RGMB: variants seen among roughly 807,000 people sequenced by gnomAD.
The protein encoded by RGMB is repulsive guidance molecule B.
Under a neutral mutation model 26.9 loss-of-function variants are expected in RGMB, and 16 were observed. That is an observed-to-expected ratio of 0.60 (90% confidence interval 0.40 to 0.90). RGMB has a LOEUF of 0.90. Ranked by LOEUF, RGMB falls within the 40% of genes least tolerant of loss-of-function variation. The probability of loss-of-function intolerance (pLI) is 0.00; values close to 1 mark genes in which losing one functional copy is unlikely to be tolerated. For missense variants in RGMB, 512 were observed against 573.3 expected, an observed-to-expected ratio of 0.89 and a Z score of 1.09; for synonymous variants, 225 against 229.3, an observed-to-expected ratio of 0.98 and a Z score of 0.17.
At chr5:98,775,137 CT>C (rs1200958613) in intron 1 of RGMB, among the ~76,000 whole-genome samples, 2 of 151,716 alleles carry the variant, frequency 1.3e-5, no homozygotes, top group East Asian at 3.9e-4. Context: ...CTTTTTTGTC[CT>C]GTATATATGA....
Position 98,779,855 on chromosome 5 carries a change from C to G in RGMB, c.412C>G (p.Pro138Ala). 1.9e-6 allele frequency: 3 copies of G among 1,614,046 alleles called. No homozygotes were observed. In the East Asian group the frequency reaches 6.7e-5, roughly 36 times the overall value. ...SSTNPEVTHD[P>A]CNYHSHAGAR... Reference sequence around the variant, plus strand: ...TACCAACCCCGAAGTGACCCATGATCCTTGCAACTATCACAGCCACGCTGG... The same window carrying G: ...TACCAACCCCGAAGTGACCCATGATGCTTGCAACTATCACAGCCACGCTGG... Residue 138 changes from proline to alanine, a missense_variant, in exon 2 of 3, where the codon CCT (proline) becomes GCT (alanine). By Grantham distance (27) the Pro-to-Ala change is conservative. Transcript: ENST00000513185.
At chr5:98,770,966 GCAGT>G (rs1746143271), upstream of RGMB, 2 of 348,616 alleles carry the variant, frequency 5.7e-6, no homozygotes, top group Non-Finnish European at 1.0e-5. Flanking sequence ...GATCTGTTAA[GCAGT>G]CAGAGATTCT....
upstream of RGMB, chr5:98,771,161 C>G (rs970997768): frequency 6.5e-6 from 1 of 153,154 alleles, no homozygotes; most frequent in Non-Finnish European, 1.5e-5. Context: ...TCCGGATGTA[C>G]TGTTCAGGTC....
chr5:98,792,713 G>A (rs1746969478), intron 2 of RGMB: 1 of 158,850 alleles, frequency 6.3e-6, no homozygotes, highest in Non-Finnish European at 1.3e-5. Flanking sequence ...GAACGTTGCA[G>A]TGAGCTATGA....
chr5:98,772,339 A>G (rs1047408469), upstream of RGMB, among the ~76,000 whole-genome samples: 4 of 152,254 alleles, frequency 2.6e-5, no homozygotes, highest in Non-Finnish European at 2.9e-5. Flanking sequence ...AATGTGTCTA[A>G]TAAGTGAGCT....
Position 98,795,364 on chromosome 5 carries a change from G to C in RGMB, c.*1611G>C, listed in dbSNP as rs912287416. 11 of 152,292 alleles carry C rather than the reference G, an allele frequency of 7.2e-5. No homozygotes were observed. In the East Asian group the frequency reaches 1.9e-3, roughly 27 times the overall value. 9.4% of individuals were successfully genotyped at this position (152,292 alleles called of 1,614,324 possible). A position where few individuals can be genotyped will look rare whatever the true frequency, so the allele number is the denominator to read the frequency against. On this transcript the variant is annotated 3_prime_UTR_variant, in exon 3 of 3. Transcript: ENST00000513185. ...TTTAGTTCTCCAGGTAGTTACTTTT[G>C]CCATGTCCTATTGATCAGTGACACT...
chr5:98,788,870 A>T (rs1158172687), intron 2 of RGMB, among the ~76,000 whole-genome samples: 1 of 152,214 alleles, frequency 6.6e-6, no homozygotes, highest in East Asian at 1.9e-4. Context: ...CTCCTTTGAA[A>T]CATGTGCTCT....
intron 2 of RGMB, among the ~76,000 whole-genome samples, chr5:98,791,446 A>C (rs1483903803): frequency 4.6e-5 from 7 of 151,920 alleles, no homozygotes; most frequent in African/African-American, 2.4e-5. Context: ...GAAAAACTTA[A>C]GACATAAACT....
rs1747068201 is a variant in RGMB, at chr5:98,794,940, T to G, written c.*1187T>G. 1 of 152,276 alleles carries G rather than the reference T, an allele frequency of 6.6e-6. No individual in the cohort carries two copies. Among genetic ancestry groups the G allele is most frequent in the Admixed American group, 6.5e-5 (1 of 15,288 alleles). 9.4% of individuals were successfully genotyped at this position (152,276 alleles called of 1,614,324 possible). A position where few individuals can be genotyped will look rare whatever the true frequency, so the allele number is the denominator to read the frequency against. On this transcript the variant is annotated 3_prime_UTR_variant, in exon 3 of 3. Coordinates refer to ENST00000513185, the MANE Select transcript of RGMB (RefSeq NM_001366508.1). Reference sequence around the variant, plus strand: ...TTGGCCTGACTCGGTGTGCGGCCACTTCGGCACTGCTTAATCCAGATATTC... The same window carrying G: ...TTGGCCTGACTCGGTGTGCGGCCACGTCGGCACTGCTTAATCCAGATATTC...
chr5:98,787,184 G>A lies in RGMB; in HGVS notation c.646-5901G>A, dbSNP rs371333970. ...GTTAACTCACTTCTTGAAATGCATGGTAACCATTCTAACCACTTCATTCCT... is the reference window on the plus strand; with the variant it reads ...GTTAACTCACTTCTTGAAATGCATGATAACCATTCTAACCACTTCATTCCT... On this transcript the variant is annotated intron_variant, in intron 2 of 2. Transcript: ENST00000513185. Among the ~76,000 whole-genome samples, 28 of 152,306 alleles carry A rather than the reference G, an allele frequency of 1.8e-4. No homozygotes were observed. The South Asian group carries it at 5.8e-3, about 32-fold the overall frequency.
Position 98,774,097 on chromosome 5 carries a change from C to CGCCGCCGCT in RGMB, c.36_44dup (p.Ala13_Ala15dup), listed in dbSNP as rs1746292201. 1.6e-6 allele frequency: 2 copies of CGCCGCCGCT among 1,237,702 alleles called. No homozygotes were observed. Among genetic ancestry groups the CGCCGCCGCT allele is most frequent in the Non-Finnish European group, 2.3e-6 (2 of 888,010 alleles). 76.7% of individuals were successfully genotyped at this position (1,237,702 alleles called of 1,614,324 possible). ...TGGGCTTGAGAGCAGCACCTTCCAG[C>CGCCGCCGCT]GCCGCCGCTGCCGCCGCCGAGGTTG... On this transcript the variant is annotated inframe_insertion, in exon 1 of 3. Coordinates refer to ENST00000513185, the MANE Select transcript of RGMB (RefSeq NM_001366508.1).
chr5:98,780,311 T>G (rs1423453499), intron 2 of RGMB: 1 of 483,030 alleles, frequency 2.1e-6, no homozygotes, highest in Admixed American at 3.7e-5. Flanking sequence ...ATATAAAGAA[T>G]AAAAAGTAAA....
At chr5:98,780,782 T>C (rs937777610) in intron 2 of RGMB, 2 of 152,278 alleles carry the variant, frequency 1.3e-5, no homozygotes, top group African/African-American at 2.4e-5. Context: ...GTTCGTTTGT[T>C]TTAAAGAAAC....
intron 2 of RGMB, among the ~76,000 whole-genome samples, chr5:98,788,927 T>G (rs1451215618): frequency 6.6e-6 from 1 of 152,226 alleles, no homozygotes; most frequent in African/African-American, 2.4e-5. Context: ...CTGTAGAGGC[T>G]GCATGCTGTT....
At chr5:98,791,503 G>T (rs140054621) in intron 2 of RGMB, among the ~76,000 whole-genome samples, 7 of 152,104 alleles carry the variant, frequency 4.6e-5, no homozygotes, top group African/African-American at 1.7e-4. Flanking sequence ...GGGGAGGGGG[G>T]TGCATTTTCT....
chr5:98,779,668 C>T lies in RGMB; in HGVS notation c.225C>T (p.Asp75=), dbSNP rs752873258. The T allele has an allele frequency of 8.9e-6, 14 of 1,578,222 alleles. No individual in the cohort carries two copies. Among genetic ancestry groups the T allele is most frequent in the East Asian group, 2.2e-5 (1 of 44,482 alleles). Reference sequence around the variant, plus strand: ...CTTCTCACCTGAACTCTGCCGTTGACGGCTTTGACTCTGAGTTTTGCAAGG... The same window carrying T: ...CTTCTCACCTGAACTCTGCCGTTGATGGCTTTGACTCTGAGTTTTGCAAGG... ...SLTSHLNSAV[D]GFDSEFCKAL... Residue 75 remains aspartate, a synonymous_variant, in exon 2 of 3, where the codon GAC becomes GAT. Transcript: ENST00000513185.
At chr5:98,773,482 C>G (rs1051809925), upstream of RGMB, 29 of 157,748 alleles carry the variant, frequency 1.8e-4, no homozygotes, top group African/African-American at 6.3e-4. Flanking sequence ...ACTGAGCGGG[C>G]GGGGGAGAGG....
chr5:98,780,016 T>C lies in RGMB; in HGVS notation c.573T>C (p.Asp191=), dbSNP rs765480347. 3 of 1,613,818 alleles carry C rather than the reference T, an allele frequency of 1.9e-6. No individual in the cohort carries two copies. The highest frequency in any genetic ancestry group is 2.2e-5 in the East Asian group (1 of 44,894). The change falls in exon 2 of 3, where the codon GAT becomes GAC. Residue 191 remains aspartate (D), a synonymous_variant. Coordinates refer to ENST00000513185, the MANE Select transcript of RGMB (RefSeq NM_001366508.1). ...TAGAAGGGGCCTGGCCACTCATAGA[T>C]AATAATTATCTTTCAGTTCAAGTGA... ...CKVEGAWPLI[D]NNYLSVQVTN...
upstream of RGMB, chr5:98,770,937 A>G (rs1328355171): frequency 2.7e-6 from 1 of 377,126 alleles, no homozygotes; most frequent in East Asian, 3.9e-5. Flanking sequence ...AAAGGATTGC[A>G]CAAATCGCAA....
Sources: allele counts gnomAD v4.1 joint callset (sites outside exome capture counted in the v4.1 genomes callset), GRCh38; gene constraint gnomAD v4.1.1; transcripts MANE v1.5; gene names NCBI Gene and HGNC (gene_info 2026-07-23, HGNC 2026-07-21).